The following MTHFD2L variants were observed in gnomAD, a reference collection of about 807,000 sequenced individuals.
MTHFD2L encodes bifunctional methylenetetrahydrofolate dehydrogenase/cyclohydrolase 2, mitochondrial.
A neutral mutation model predicts 34.9 loss-of-function variants in MTHFD2L; 29 were observed. The observed-to-expected ratio is 0.83, with a 90% confidence interval of 0.62 to 1.13. The LOEUF (loss-of-function observed/expected upper bound fraction) is 1.13. Among genes scored for constraint, MTHFD2L ranks in the 50% most tolerant of loss-of-function variants. The probability of loss-of-function intolerance (pLI) is 0.00; values close to 1 mark genes in which losing one functional copy is unlikely to be tolerated. For missense variants in MTHFD2L, 481 were observed against 446.5 expected, an observed-to-expected ratio of 1.08 and a Z score of -0.70; for synonymous variants, 167 against 155.7, an observed-to-expected ratio of 1.07 and a Z score of -0.54.
intron 1 of MTHFD2L, among the ~76,000 whole-genome samples, chr4:74,164,424 C>T (rs998690373): frequency 3.3e-5 from 5 of 152,006 alleles, no homozygotes; most frequent in African/African-American, 9.7e-5. Context: ...TTCTAATAAG[C>T]GTAGATAAGG....
intron 6 of MTHFD2L, among the ~76,000 whole-genome samples, chr4:74,273,565 A>G (rs1746255897): frequency 1.3e-5 from 2 of 152,212 alleles, no homozygotes; most frequent in Admixed American, 6.5e-5. Flanking sequence ...GCACCTCTCA[A>G]ATGTACACTT....
At chr4:74,247,290 T>C (rs1742615817) in intron 6 of MTHFD2L, among the ~76,000 whole-genome samples, 2 of 151,928 alleles carry the variant, frequency 1.3e-5, no homozygotes, top group African/African-American at 4.8e-5. Context: ...TGTCTGTTAT[T>C]GGTTTATAAG....
chr4:74,152,061 G>A (rs531414218), intron 1 of MTHFD2L, among the ~76,000 whole-genome samples: 10 of 151,844 alleles, frequency 6.6e-5, no homozygotes, highest in African/African-American at 1.7e-4. Flanking sequence ...TTGTATTATC[G>A]TTTAGTTGTG....
At chr4:74,226,161 T>C (rs573126925) in intron 6 of MTHFD2L, among the ~76,000 whole-genome samples, 21 of 149,094 alleles carry the variant, frequency 1.4e-4, no homozygotes, top group Non-Finnish European at 2.3e-4. Context: ...TTTGTCAACG[T>C]TTATTGGATT....
intron 3 of MTHFD2L, among the ~76,000 whole-genome samples, chr4:74,178,109 G>A (rs1408704258): frequency 1.3e-5 from 2 of 151,952 alleles, no homozygotes; most frequent in Admixed American, 6.6e-5. Context: ...GGGGATTGTG[G>A]AGATGTTGGT....
chr4:74,146,826 G>C (rs923849375), intron 1 of MTHFD2L, among the ~76,000 whole-genome samples: 2 of 151,874 alleles, frequency 1.3e-5, no homozygotes, highest in Non-Finnish European at 2.9e-5. Context: ...AATCTTCATT[G>C]CTTTTCATTC....
chr4:74,220,716 A>G (rs992040125), intron 5 of MTHFD2L, among the ~76,000 whole-genome samples: 3 of 151,524 alleles, frequency 2.0e-5, no homozygotes, highest in African/African-American at 7.2e-5. Flanking sequence ...CTCTTCTTAC[A>G]ATGTATTTTC....
chr4:74,239,490 T>TAA (rs11374613), intron 6 of MTHFD2L, among the ~76,000 whole-genome samples: 1 of 149,914 alleles, frequency 6.7e-6, no homozygotes, highest in African/African-American at 2.4e-5. Context: ...AGTATAATTT[T>TAA]AAAAAAAAAA....
chr4:74,157,415 C>T (rs1164388574), upstream of MTHFD2L: 4 of 350,796 alleles, frequency 1.1e-5, no homozygotes, highest in African/African-American at 8.6e-5. Flanking sequence ...AATGGACAGT[C>T]TAATGTTTTA....
At chr4:74,142,884 A>G (rs1428676197) in intron 1 of MTHFD2L, among the ~76,000 whole-genome samples, 1 of 152,150 alleles carries the variant, frequency 6.6e-6, no homozygotes, top group African/African-American at 2.4e-5. Context: ...TTCTTGGTAC[A>G]CTCTGCCACT....
chr4:74,183,342 T>A (rs886642708), intron 3 of MTHFD2L: 22 of 152,108 alleles, frequency 1.4e-4, no homozygotes, highest in African/African-American at 5.1e-4. Context: ...CTAAAAACAA[T>A]TATTTACTAG....
At chr4:74,174,939 C>A (rs1276543173) in intron 2 of MTHFD2L, among the ~76,000 whole-genome samples, 1 of 152,076 alleles carries the variant, frequency 6.6e-6, no homozygotes, top group East Asian at 1.9e-4. Flanking sequence ...ATCTAAAAGG[C>A]CTGCTTTCAT....
upstream of MTHFD2L, among the ~76,000 whole-genome samples, chr4:74,123,589 A>C (rs1188653141): frequency 6.6e-6 from 1 of 152,190 alleles, no homozygotes; most frequent in Non-Finnish European, 1.5e-5. Flanking sequence ...TGTGGGCCTT[A>C]GACATTTTTA....
chr4:74,162,841 AC>A (rs1725760113), intron 1 of MTHFD2L, among the ~76,000 whole-genome samples: 1 of 152,204 alleles, frequency 6.6e-6, no homozygotes, highest in Non-Finnish European at 1.5e-5. Context: ...GTTCTTCTCT[AC>A]AAGCAGTTTA....
chr4:74,268,018 C>A (rs1377533587), intron 6 of MTHFD2L: 19 of 984,972 alleles, frequency 1.9e-5, no homozygotes, highest in Non-Finnish European at 2.3e-5. Flanking sequence ...ATTCTCATGA[C>A]AGGCATGATA....
chr4:74,153,978 C>T (rs1037721122), upstream of MTHFD2L, among the ~76,000 whole-genome samples: 1 of 152,112 alleles, frequency 6.6e-6, no homozygotes, highest in African/African-American at 2.4e-5. Context: ...AGGATCCAAT[C>T]CAAGATATCA....
Position 74,283,401 on chromosome 4 carries a change from GT to G in MTHFD2L, c.931+1853del, listed in dbSNP as rs567400461. On this transcript the variant is annotated intron_variant, in intron 7 of 7. Transcript: ENST00000325278. ...CTTCATGTCACATGAAGTCTAACTT[GT>G]TAATGATTATTAAATCAAATTGTAG... Among the ~76,000 whole-genome samples, 376 of 152,104 alleles carry G rather than the reference GT, an allele frequency of 2.5e-3. 2 individuals are homozygous for G. Among genetic ancestry groups the G allele is most frequent in the African/African-American group, 8.6e-3 (355 of 41,502 alleles).
intron 5 of MTHFD2L, among the ~76,000 whole-genome samples, chr4:74,215,443 G>T (rs1737045673): frequency 6.6e-6 from 1 of 151,732 alleles, no homozygotes; most frequent in Admixed American, 6.6e-5. Flanking sequence ...TCCTTGGCTA[G>T]GGGAGGGAAT....
chr4:74,242,382 A>G (rs1021195117), intron 6 of MTHFD2L, among the ~76,000 whole-genome samples: 7 of 152,154 alleles, frequency 4.6e-5, no homozygotes, highest in Non-Finnish European at 7.4e-5. Flanking sequence ...GAGTTTTAGT[A>G]TAGGCTTATC....
Sources: allele counts gnomAD v4.1 joint callset (sites outside exome capture counted in the v4.1 genomes callset), GRCh38; gene constraint gnomAD v4.1.1; transcripts MANE v1.5; gene names NCBI Gene and HGNC (gene_info 2026-07-23, HGNC 2026-07-21).